Variants in PDK3 observed in about 807,000 individuals in gnomAD.
PDK3 encodes the protein pyruvate dehydrogenase kinase 3.
A neutral mutation model predicts 32.0 loss-of-function variants in PDK3; 12 were observed. That is an observed-to-expected ratio of 0.37 (90% CI 0.24 to 0.61). The LOEUF (loss-of-function observed/expected upper bound fraction) is 0.61, where lower values mean the gene tolerates loss of function less well. Ranked by LOEUF, PDK3 falls within the 20% of genes least tolerant of loss-of-function variation. PDK3 has a pLI of 0.65. For synonymous variants in PDK3, 122 were observed against 116.3 expected (o/e 1.05, Z -0.31); for missense variants, 188 against 316.9 (o/e 0.59, Z 3.09).
intron 5 of PDK3, among the ~76,000 whole-genome samples, chrX:24,510,669 A>G (rs752383958): frequency 8.9e-6 from 1 of 112,060 alleles, no homozygotes; most frequent in South Asian, 3.7e-4. Flanking sequence ...TTGATACCCC[A>G]TGGTAGAAGC....
downstream of PDK3, among the ~76,000 whole-genome samples, chrX:24,537,203 A>G (rs1412406399): frequency 1.1e-5 from 1 of 93,261 alleles, no homozygotes; most frequent in Non-Finnish European, 2.1e-5. Context: ...CTGCAGCTCT[A>G]CCTCCTGGGT....
exon 12 of PDK3, among the ~76,000 whole-genome samples, chrX:24,541,206 C>A (rs895591830): frequency 9.2e-6 from 1 of 108,650 alleles, no homozygotes; most frequent in Admixed American, 9.9e-5. Flanking sequence ...CCACTGCGCC[C>A]AGCCGACCCT....
chrX:24,504,979 C>T (rs1024690594), intron 4 of PDK3, among the ~76,000 whole-genome samples: 1 of 112,138 alleles, frequency 8.9e-6, no homozygotes, highest in Non-Finnish European at 1.9e-5. Flanking sequence ...TGCTTTAGAA[C>T]CTGCTGACTG....
Position 24,505,249 on chromosome X carries a change from A to G in PDK3, c.546A>G (p.Lys182=), listed in dbSNP as rs775930688. The change falls in exon 5 of 11, where the codon AAA becomes AAG. Residue 182 remains lysine (K), a synonymous_variant. Coordinates refer to ENST00000379162, the MANE Select transcript of PDK3 (RefSeq NM_005391.5). ...FGGDTNPVHP[K]HIGSIDPTCN... The stretch of plus-strand genomic sequence containing the variant: ...GTGACACTAATCCTGTTCATCCTAA[A>G]CACATAGGAAGTATCGATCCCACCT... 1 of 1,208,050 alleles carries G rather than the reference A, an allele frequency of 8.3e-7. No homozygotes were observed. Among genetic ancestry groups the G allele is most frequent in the Middle Eastern group, 2.3e-4 (1 of 4,340 alleles).
At chrX:24,549,335 T>G (rs897321365) in exon 12 of PDK3, 1 of 111,826 alleles carries the variant, frequency 8.9e-6, no homozygotes, top group African/African-American at 3.3e-5. Context: ...ACCAATGAAT[T>G]GAGCTGATAT....
At chrX:24,473,469 C>G (rs1205038314) in intron 1 of PDK3, among the ~76,000 whole-genome samples, 7 of 102,730 alleles carry the variant, frequency 6.8e-5, no homozygotes, top group Non-Finnish European at 1.2e-4. Context: ...CAGAGTCTCA[C>G]TCTGTCACCT....
At chrX:24,467,174 A>T (rs370730612) in intron 1 of PDK3, among the ~76,000 whole-genome samples, 1 of 112,301 alleles carries the variant, frequency 8.9e-6, no homozygotes, top group Non-Finnish European at 1.9e-5. Flanking sequence ...CTGTGAGGCC[A>T]GTATCTGGAA....
chrX:24,479,945 C>T (rs1297735051), intron 1 of PDK3, among the ~76,000 whole-genome samples: 1 of 111,865 alleles, frequency 8.9e-6, no homozygotes, highest in Non-Finnish European at 1.9e-5. Context: ...AAGTTCTGAG[C>T]GGGTAAGAAG....
intron 5 of PDK3, among the ~76,000 whole-genome samples, chrX:24,518,217 C>T (rs1026855719): frequency 1.8e-5 from 2 of 111,827 alleles, no homozygotes; most frequent in Non-Finnish European, 3.8e-5. Flanking sequence ...CACGGTGGCT[C>T]ATGCCTGTAA....
intron 1 of PDK3, among the ~76,000 whole-genome samples, chrX:24,484,503 G>A: frequency 8.9e-6 from 1 of 112,264 alleles, no homozygotes; most frequent in East Asian, 2.8e-4. Flanking sequence ...CTTTGGCTTT[G>A]TTATACAGAG....
intron 1 of PDK3, 56 bp downstream of exon 1, chrX:24,465,617 C>T: frequency 2.3e-6 from 2 of 865,252 alleles, no homozygotes; most frequent in Non-Finnish European, 3.4e-6. Context: ...TTCGGGCTGC[C>T]ACCCCGGATC....
At chrX:24,537,911 C>T (rs1332607632), downstream of PDK3, among the ~76,000 whole-genome samples, 1 of 112,380 alleles carries the variant, frequency 8.9e-6, no homozygotes, top group Non-Finnish European at 1.9e-5. Flanking sequence ...AACATACTTA[C>T]TCTCACCATT....
exon 12 of PDK3, chrX:24,546,530 T>C (rs1428896121): frequency 9.0e-6 from 1 of 111,087 alleles, no homozygotes; most frequent in African/African-American, 3.3e-5. Context: ...GACAACAATA[T>C]TTTGGTCACA....
intron 3 of PDK3, among the ~76,000 whole-genome samples, chrX:24,502,670 C>T (rs1308808147): frequency 9.0e-6 from 1 of 111,182 alleles, no homozygotes; most frequent in African/African-American, 3.3e-5. Context: ...ATGGTGAAAT[C>T]CTGTCTCTAC....
intron 1 of PDK3, among the ~76,000 whole-genome samples, chrX:24,470,845 G>T (rs754103898): frequency 1.3e-4 from 14 of 109,924 alleles, no homozygotes; most frequent in African/African-American, 4.6e-4. Flanking sequence ...GAGTAGGTTA[G>T]TTGATGATTT....
At chrX:24,481,189 G>A (rs376120085) in intron 1 of PDK3, among the ~76,000 whole-genome samples, 1 of 110,048 alleles carries the variant, frequency 9.1e-6, no homozygotes. Flanking sequence ...GACTGCAGGC[G>A]CCCGCCACTG....
At chrX:24,504,384 A>C (rs1219824302) in intron 4 of PDK3, among the ~76,000 whole-genome samples, 2 of 112,553 alleles carry the variant, frequency 1.8e-5, no homozygotes, top group Non-Finnish European at 3.8e-5. Context: ...ATCTAAATAC[A>C]CATGTACACA....
intron 4 of PDK3, among the ~76,000 whole-genome samples, chrX:24,503,834 A>G (rs950676028): frequency 8.9e-6 from 1 of 112,198 alleles, no homozygotes. Flanking sequence ...ACTTTTATGT[A>G]TCTCAGATTG....
In PDK3 at chrX:24,520,798, A is replaced by C. The variant is rs768995352; in HGVS notation, c.673+1788A>C. On this transcript the variant is annotated intron_variant, in intron 6 of 10. Coordinates refer to ENST00000379162, the MANE Select transcript of PDK3 (RefSeq NM_005391.5). Reference sequence around the variant, plus strand: ...GATTATCCATAGTGTAACTTACCATAATTTATTTAACTGTTTTCCTATGGG... The same window carrying C: ...GATTATCCATAGTGTAACTTACCATCATTTATTTAACTGTTTTCCTATGGG... Among the ~76,000 whole-genome samples the C allele has an allele frequency of 3.6e-5, 4 of 112,057 alleles. No homozygotes were observed. In the South Asian group the frequency reaches 1.1e-3, roughly 31 times the overall value.
Sources: allele counts gnomAD v4.1 joint callset (sites outside exome capture counted in the v4.1 genomes callset), GRCh38; gene constraint gnomAD v4.1.1; transcripts MANE v1.5; gene names NCBI Gene and HGNC (gene_info 2026-07-23, HGNC 2026-07-21).